IQGAP2: variants seen among roughly 807,000 people sequenced by gnomAD.
IQGAP2 encodes the protein IQ motif containing GTPase activating protein 2, also known as ras GTPase-activating-like protein IQGAP2.
A neutral mutation model predicts 201.3 loss-of-function variants in IQGAP2; 173 were observed. The ratio of observed to expected loss-of-function variants is 0.86; its 90% confidence interval spans 0.76 to 0.98. The LOEUF (loss-of-function observed/expected upper bound fraction) is 0.98, where lower values mean the gene tolerates loss of function less well. IQGAP2 is among the 50% of genes least tolerant of loss of function. The probability of loss-of-function intolerance (pLI) is 0.00; values close to 1 mark genes in which losing one functional copy is unlikely to be tolerated. For synonymous variants in IQGAP2, 675 were observed against 673.9 expected, an observed-to-expected ratio of 1.00 and a Z score of -0.03; for missense variants, 1,687 against 1,864.8, an observed-to-expected ratio of 0.90 and a Z score of 1.76.
chr5:76,554,121 A>T (rs543131812), intron 2 of IQGAP2, among the ~76,000 whole-genome samples: 242 of 152,336 alleles, frequency 1.6e-3, no homozygotes, highest in Non-Finnish European at 3.2e-3. Flanking sequence ...AGTCTTTTCA[A>T]CTGGTGGTGC....
chr5:76,456,055 C>T (rs576991193), intron 1 of IQGAP2, among the ~76,000 whole-genome samples: 5 of 152,284 alleles, frequency 3.3e-5, no homozygotes, highest in East Asian at 1.9e-4. Context: ...CAGCAAACTT[C>T]GTAGGACTAA....
chr5:76,453,590 G>C (rs1232942253), intron 1 of IQGAP2, among the ~76,000 whole-genome samples: 5 of 152,194 alleles, frequency 3.3e-5, no homozygotes, highest in Non-Finnish European at 4.4e-5. Flanking sequence ...TGAGGATAGG[G>C]ACAGGGTGTT....
rs1744587387 is a variant in IQGAP2 at position 76,674,038 on chromosome 5, T to C, written c.3294+2T>C. On this transcript the variant is annotated splice_donor_variant, in intron 26 of 35. Transcript: ENST00000274364. LOFTEE classifies it high-confidence loss of function. ...GCAACAGAAGATGAGCTATTAAAGG[T>C]AGATTTTCAAGGGTAATCTCACCAT... 1 of 1,577,506 alleles carries C rather than the reference T, an allele frequency of 6.3e-7. No homozygotes were observed. The highest frequency in any genetic ancestry group is 1.7e-4 in the Middle Eastern group (1 of 5,982).
intron 12 of IQGAP2, among the ~76,000 whole-genome samples, chr5:76,608,248 A>G (rs1747970169): frequency 6.6e-6 from 1 of 152,262 alleles, no homozygotes. Flanking sequence ...CACAGCCACT[A>G]TAACACTTCT....
At chr5:76,415,491 T>A (rs1206345171) in intron 1 of IQGAP2, among the ~76,000 whole-genome samples, 3 of 152,262 alleles carry the variant, frequency 2.0e-5, no homozygotes, top group African/African-American at 7.2e-5. Flanking sequence ...AACTTTGCCT[T>A]ATGAAAATTA....
chr5:76,647,854 C>CACACAT (rs1167953917), intron 17 of IQGAP2, among the ~76,000 whole-genome samples: 1 of 151,186 alleles, frequency 6.6e-6, no homozygotes, highest in African/African-American at 2.4e-5. Flanking sequence ...CACACACAAA[C>CACACAT]GAAAAAAACT....
intron 5 of IQGAP2, among the ~76,000 whole-genome samples, chr5:76,583,292 G>A (rs1291886464): frequency 3.3e-5 from 5 of 152,044 alleles, no homozygotes. Context: ...TTCAGCATGG[G>A]AATACTGGGT....
intron 2 of IQGAP2, among the ~76,000 whole-genome samples, chr5:76,477,490 C>T (rs966686258): frequency 6.6e-6 from 1 of 152,152 alleles, no homozygotes; most frequent in African/African-American, 2.4e-5. Flanking sequence ...GCATTACTCA[C>T]GTGTTTGTGG....
At chr5:76,527,507 A>G (rs1211492150) in intron 2 of IQGAP2, among the ~76,000 whole-genome samples, 1 of 152,224 alleles carries the variant, frequency 6.6e-6, no homozygotes, top group Non-Finnish European at 1.5e-5. Context: ...ATTCTAACCT[A>G]GTGTGGCTTG....
At chr5:76,527,772 T>C (rs1227822388) in intron 2 of IQGAP2, among the ~76,000 whole-genome samples, 1 of 152,238 alleles carries the variant, frequency 6.6e-6, no homozygotes, top group Admixed American at 6.5e-5. Context: ...AAATGTCTTA[T>C]CTGCATTTAC....
intron 12 of IQGAP2, among the ~76,000 whole-genome samples, chr5:76,610,084 A>C (rs1361523008): frequency 0.2 from 1,967 of 10,018 alleles, 120 homozygotes; most frequent in African/African-American, 0.26. Context: ...CTCTATATAT[A>C]TATATATATA....
intron 17 of IQGAP2, among the ~76,000 whole-genome samples, chr5:76,644,764 AC>A (rs1276243802): frequency 6.6e-6 from 1 of 152,214 alleles, no homozygotes; most frequent in African/African-American, 2.4e-5. Flanking sequence ...TCTCAAAGGA[AC>A]TAAAACTTAC....
intron 4 of IQGAP2, among the ~76,000 whole-genome samples, chr5:76,573,212 A>G (rs1209136379): frequency 6.6e-6 from 1 of 152,250 alleles, no homozygotes; most frequent in East Asian, 1.9e-4. Context: ...GATTTGATGT[A>G]AACCTTTTCA....
rs59277133 is a variant in IQGAP2 at position 76,692,720 on chromosome 5, C to T, written c.3906-635C>T. The stretch of plus-strand genomic sequence containing the variant: ...CTTCCACCTGAAGACTGGAAGAAGA[C>T]CTAACAAATAGGTTTCTTTGTTAAC... On this transcript the variant is annotated intron_variant, in intron 30 of 35. Coordinates refer to ENST00000274364, the MANE Select transcript of IQGAP2 (RefSeq NM_006633.5). Among the ~76,000 whole-genome samples, 1,240 of 152,292 alleles carry T rather than the reference C, an allele frequency of 8.1e-3. 21 individuals are homozygous for T. Among genetic ancestry groups the T allele is most frequent in the African/African-American group, 0.028 (1,146 of 41,562 alleles).
At chr5:76,439,727 GTTTA>G (rs1457789299) in intron 1 of IQGAP2, among the ~76,000 whole-genome samples, 7 of 151,878 alleles carry the variant, frequency 4.6e-5, no homozygotes. Context: ...TTTACATTGA[GTTTA>G]TTTGAGTCCC....
At chr5:76,543,601 A>T (rs1010840605) in intron 2 of IQGAP2, among the ~76,000 whole-genome samples, 1 of 152,166 alleles carries the variant, frequency 6.6e-6, no homozygotes, top group Non-Finnish European at 1.5e-5. Flanking sequence ...CCTGTGGTGC[A>T]TGTGTTTGTC....
At chr5:76,652,463 C>A (rs547575103) in intron 17 of IQGAP2, among the ~76,000 whole-genome samples, 1 of 152,000 alleles carries the variant, frequency 6.6e-6, no homozygotes, top group South Asian at 2.1e-4. Flanking sequence ...TTTTGCCACC[C>A]AGGGCCTTGG....
chr5:76,535,945 G>A (rs997188895), intron 2 of IQGAP2, among the ~76,000 whole-genome samples: 10 of 151,830 alleles, frequency 6.6e-5, no homozygotes, highest in African/African-American at 2.4e-4. Context: ...GTTCTTATTG[G>A]CTGTGGTTGA....
intron 13 of IQGAP2, chr5:76,617,656 T>G (rs1749114318): frequency 6.2e-7 from 1 of 1,614,094 alleles, no homozygotes; most frequent in African/African-American, 1.3e-5. Context: ...TCTAAGCAAC[T>G]ATTAAGACTA....
Sources: allele counts gnomAD v4.1 joint callset (sites outside exome capture counted in the v4.1 genomes callset), GRCh38; gene constraint gnomAD v4.1.1; transcripts MANE v1.5; gene names NCBI Gene and HGNC (gene_info 2026-07-23, HGNC 2026-07-21).